CSNK2A1: variants seen among roughly 807,000 people sequenced by gnomAD.
CSNK2A1 encodes the protein casein kinase II subunit alpha.
A neutral mutation model predicts 62.9 loss-of-function variants in CSNK2A1; 10 were observed. The ratio of observed to expected loss-of-function variants is 0.16; its 90% CI spans 0.10 to 0.27. The LOEUF (loss-of-function observed/expected upper bound fraction) is 0.27, where lower values mean the gene tolerates loss of function less well. Among genes scored for constraint, CSNK2A1 ranks in the 10% least tolerant of loss-of-function variants. The pLI is 1.00. For synonymous variants in CSNK2A1, 124 were observed against 167.8 expected (o/e 0.74, Z 2.02); for missense variants, 160 against 492.0 (o/e 0.33, Z 6.38).
intron 8 of CSNK2A1, 198 bp downstream of exon 8, chr20:495,521 T>G (rs1194379690): frequency 3.9e-6 from 2 of 510,578 alleles, no homozygotes; most frequent in Non-Finnish European, 7.1e-6. Context: ...TACTCATGTT[T>G]CCTTCTTGGG....
At chr20:491,161 AAT>A (rs796138233) in intron 9 of CSNK2A1, among the ~76,000 whole-genome samples, 14 of 152,322 alleles carry the variant, frequency 9.2e-5, no homozygotes, top group African/African-American at 3.4e-4. Context: ...ATCAACTGAT[AAT>A]AACCTGGAAA....
chr20:477,636 C>A lies in CSNK2A1; in HGVS notation c.*6325G>T, dbSNP rs1409853493. ...TCCTATCTCCCTGGGGGCATTCAAA[C>A]CCTAGTCCATAGCCTGAGGCCCACC... On this transcript the variant is annotated 3_prime_UTR_variant, in exon 14 of 14. Coordinates refer to ENST00000217244, the MANE Select transcript of CSNK2A1 (RefSeq NM_177559.3). The A allele has an allele frequency of 1.3e-5, 2 of 152,258 alleles. No homozygotes were observed. Among genetic ancestry groups the A allele is most frequent in the African/African-American group, 4.8e-5 (2 of 41,438 alleles). The allele number at this position is 152,258 out of a possible 1,614,324, so 9.4% of individuals were successfully genotyped here. A position where few individuals can be genotyped will look rare whatever the true frequency, so the allele number is the denominator to read the frequency against.
At position 474,914 on chromosome 20, in the gene CSNK2A1, T is replaced by C. The variant is rs1399274954; in HGVS notation, c.*9047A>G. The C allele has an allele frequency of 6.6e-6, 1 of 151,790 alleles. No individual in the cohort carries two copies. 9.4% of individuals were successfully genotyped at this position (151,790 alleles called of 1,614,324 possible). A position where few individuals can be genotyped will look rare whatever the true frequency, so the allele number is the denominator to read the frequency against. On this transcript the variant is annotated 3_prime_UTR_variant, in exon 14 of 14. Transcript: ENST00000217244. ...GAGTTAATACTTTTTTGGCTTGTCT[T>C]ACTCTGCTCAGTTTTCATTTTGTAA...
At chr20:521,154 CAAG>C (rs1371231421) in intron 2 of CSNK2A1, among the ~76,000 whole-genome samples, 7 of 152,048 alleles carry the variant, frequency 4.6e-5, no homozygotes, top group Admixed American at 4.6e-4. Flanking sequence ...AAGCCAGACA[CAAG>C]AAGAATGTAT....
chr20:525,931 G>A (rs1253933943), intron 2 of CSNK2A1, among the ~76,000 whole-genome samples: 2 of 151,408 alleles, frequency 1.3e-5, no homozygotes, highest in Admixed American at 6.6e-5. Flanking sequence ...CTTGAGCCTA[G>A]GAGGTGGAGG....
At position 478,411 on chromosome 20, in the gene CSNK2A1, A is replaced by G. The variant is rs935884519; in HGVS notation, c.*5550T>C. 4.2e-6 allele frequency: 1 copy of G among 239,302 alleles called. No homozygotes were observed. The highest frequency in any genetic ancestry group is 8.5e-6 in the Non-Finnish European group (1 of 117,960). The allele number at this position is 239,302 out of a possible 1,614,324, so 14.8% of individuals were successfully genotyped here. A position where few individuals can be genotyped will look rare whatever the true frequency, so the allele number is the denominator to read the frequency against. On this transcript the variant is annotated 3_prime_UTR_variant, in exon 14 of 14. Coordinates refer to ENST00000217244, the MANE Select transcript of CSNK2A1 (RefSeq NM_177559.3). Reference sequence around the variant, plus strand: ...ATGTTTATCAATAGCTGAGACTCTGATTCCCAGGGTGGGATCAGGAAGCCA... The same window carrying G: ...ATGTTTATCAATAGCTGAGACTCTGGTTCCCAGGGTGGGATCAGGAAGCCA...
chr20:506,633 G>A (rs190170088), intron 3 of CSNK2A1: 4 of 152,264 alleles, frequency 2.6e-5, no homozygotes, highest in Non-Finnish European at 5.9e-5. Context: ...GACCTACTAA[G>A]TATCCAATAT....
At chr20:538,847 A>G (rs1263738496) in intron 1 of CSNK2A1, among the ~76,000 whole-genome samples, 2 of 152,226 alleles carry the variant, frequency 1.3e-5, no homozygotes, top group African/African-American at 2.4e-5. Context: ...TAATGAAGAA[A>G]TTATGTCATT....
intron 2 of CSNK2A1, among the ~76,000 whole-genome samples, chr20:519,557 C>CA (rs1196819897): frequency 6.6e-6 from 1 of 151,898 alleles, no homozygotes; most frequent in African/African-American, 2.4e-5. Context: ...CAAACAAAAA[C>CA]AAAAAACTAA....
Position 479,269 on chromosome 20 carries a change from G to A in CSNK2A1, c.*4692C>T, listed in dbSNP as rs2017909302. ...AATTTAGAAGAGAAACCAACATTTG[G>A]TGTAACTCTACCATATACCAGGCAT... On this transcript the variant is annotated 3_prime_UTR_variant, in exon 14 of 14. Coordinates refer to ENST00000217244, the MANE Select transcript of CSNK2A1 (RefSeq NM_177559.3). 1 of 152,146 alleles carries A rather than the reference G, an allele frequency of 6.6e-6. No individual in the cohort carries two copies. Among genetic ancestry groups the A allele is most frequent in the Non-Finnish European group, 1.5e-5 (1 of 68,044 alleles). The allele number at this position is 152,146 out of a possible 1,614,324, so 9.4% of individuals were successfully genotyped here. A position where few individuals can be genotyped will look rare whatever the true frequency, so the allele number is the denominator to read the frequency against.
chr20:506,677 C>T (rs2018608406), intron 3 of CSNK2A1: 2 of 152,130 alleles, frequency 1.3e-5, no homozygotes, highest in Non-Finnish European at 2.9e-5. Flanking sequence ...ATTCATTTTC[C>T]TCAAGTAGCT....
intron 12 of CSNK2A1, chr20:486,708 T>A (rs1199864753): frequency 4.2e-6 from 2 of 471,122 alleles, no homozygotes; most frequent in Non-Finnish European, 7.7e-6. Context: ...ATGAGGTAAT[T>A]ATTTATAGCA....
At chr20:487,898 C>T in intron 11 of CSNK2A1, 1 of 366,546 alleles carries the variant, frequency 2.7e-6, no homozygotes. Context: ...ATTTCCCATC[C>T]CCACACATAT....
At chr20:484,163 C>T in intron 13 of CSNK2A1, 87 bp from the exon 14 acceptor site, 1 of 1,094,246 alleles carries the variant, frequency 9.1e-7, no homozygotes, top group Non-Finnish European at 1.3e-6. Flanking sequence ...AAAAGGAACA[C>T]AATAATTCTT....
intron 10 of CSNK2A1, 190 bp downstream of exon 10, chr20:489,590 T>A (rs546683536): frequency 2.2e-6 from 1 of 449,100 alleles, no homozygotes; most frequent in African/African-American, 2.0e-5. Context: ...CACAATAAAA[T>A]AAGCAATGCA....
intron 2 of CSNK2A1, among the ~76,000 whole-genome samples, chr20:524,134 T>A (rs1419842248): frequency 6.6e-6 from 1 of 151,766 alleles, no homozygotes; most frequent in Admixed American, 6.6e-5. Flanking sequence ...CTAAAAGAGA[T>A]ACATCTAGGC....
chr20:486,446 G>A lies in CSNK2A1; in HGVS notation c.990C>T (p.Asp330=). The change falls in exon 13 of 14, where the codon GAC becomes GAT. Residue 330 remains aspartate, a synonymous_variant. Transcript: ENST00000217244. ...TGCTAGATGAACCCATTCGAGCCTGGTCCTTCACAACAGTGTCTAGAAAAG... is the reference window on the plus strand; with the variant it reads ...TGCTAGATGAACCCATTCGAGCCTGATCCTTCACAACAGTGTCTAGAAAAG... ...EHPYFYTVVK[D]QARMGSSSMP... is the part of the protein sequence containing the mutation. The A allele has an allele frequency of 6.2e-7, 1 of 1,613,494 alleles. No individual in the cohort carries two copies. Among genetic ancestry groups the A allele is most frequent in the Non-Finnish European group, 8.5e-7 (1 of 1,179,834 alleles).
intron 4 of CSNK2A1, 178 bp downstream of exon 4, chr20:504,940 C>T: frequency 1.8e-6 from 1 of 568,474 alleles, no homozygotes; most frequent in Non-Finnish European, 3.0e-6. Flanking sequence ...TCTCTTGCTT[C>T]AGTTTCCCGA....
intron 9 of CSNK2A1, among the ~76,000 whole-genome samples, chr20:490,886 C>T (rs1329205128): frequency 5.8e-5 from 8 of 138,586 alleles, no homozygotes; most frequent in Non-Finnish European, 1.2e-4. Flanking sequence ...GTTTTCTTCA[C>T]TTACATGAAA....
Sources: allele counts gnomAD v4.1 joint callset (sites outside exome capture counted in the v4.1 genomes callset), GRCh38; gene constraint gnomAD v4.1.1; transcripts MANE v1.5; gene names NCBI Gene and HGNC (gene_info 2026-07-23, HGNC 2026-07-21).